Variants in IGFBP2 observed in about 807,000 individuals in gnomAD.
IGFBP2 encodes insulin-like growth factor-binding protein 2.
A neutral mutation model predicts 26.2 loss-of-function variants in IGFBP2; 12 were observed. The observed-to-expected ratio is 0.46, with a 90% CI of 0.29 to 0.74. IGFBP2 has a LOEUF of 0.74. Ranked by LOEUF, IGFBP2 falls within the 30% of genes least tolerant of loss-of-function variation. IGFBP2 has a pLI of 0.09. For missense variants in IGFBP2, 328 were observed against 441.2 expected (o/e 0.74, Z 2.30); for synonymous variants, 189 against 200.6 (o/e 0.94, Z 0.49).
intron 1 of IGFBP2, among the ~76,000 whole-genome samples, chr2:216,645,232 G>A (rs1697688009): frequency 6.6e-6 from 1 of 152,198 alleles, no homozygotes; most frequent in Non-Finnish European, 1.5e-5. Context: ...GCAGGATAAA[G>A]GGGGTGGGGG....
chr2:216,637,590 G>A (rs1333516934), intron 1 of IGFBP2, among the ~76,000 whole-genome samples: 1 of 152,216 alleles, frequency 6.6e-6, no homozygotes, highest in African/African-American at 2.4e-5. Flanking sequence ...CAAGATATTT[G>A]AGGAAGGTTC....
At chr2:216,645,539 C>A (rs1378532430) in intron 1 of IGFBP2, among the ~76,000 whole-genome samples, 3 of 152,190 alleles carry the variant, frequency 2.0e-5, no homozygotes, top group African/African-American at 7.2e-5. Context: ...TAAGAAATTA[C>A]CAACCTCATG....
chr2:216,650,306 C>G (rs1177025834), intron 1 of IGFBP2, among the ~76,000 whole-genome samples: 2 of 152,210 alleles, frequency 1.3e-5, no homozygotes, highest in African/African-American at 4.8e-5. Flanking sequence ...TACACTGACA[C>G]CTGCGCAAGT....
intron 1 of IGFBP2, among the ~76,000 whole-genome samples, chr2:216,656,432 G>C (rs983298455): frequency 3.9e-5 from 6 of 152,196 alleles, no homozygotes; most frequent in Non-Finnish European, 8.8e-5. Flanking sequence ...AGCCATTTCA[G>C]CAATGGGCTA....
chr2:216,657,108 T>C (rs562533661), intron 1 of IGFBP2, among the ~76,000 whole-genome samples: 1 of 152,094 alleles, frequency 6.6e-6, no homozygotes, highest in Non-Finnish European at 1.5e-5. Flanking sequence ...AAAGGGCTCT[T>C]CTCTATGTTC....
chr2:216,661,119 C>G (rs1688637575), intron 2 of IGFBP2: 1 of 341,892 alleles, frequency 2.9e-6, no homozygotes, highest in African/African-American at 2.1e-5. Flanking sequence ...TTTCCTCCCC[C>G]TGAGATGGGG....
At position 216,633,532 on chromosome 2, in the gene IGFBP2, G is replaced by T. The variant is rs1197480339; in HGVS notation, c.9G>T (p.Pro3=). 22 of 871,632 alleles carry T rather than the reference G, an allele frequency of 2.5e-5. No individual in the cohort carries two copies. The highest frequency in any genetic ancestry group is 3.0e-5 in the Non-Finnish European group (22 of 722,436). The allele number at this position is 871,632 out of a possible 1,614,324, so 54.0% of individuals were successfully genotyped here. A position where few individuals can be genotyped will look rare whatever the true frequency, so the allele number is the denominator to read the frequency against. The change falls in exon 1 of 4, where the codon CCG becomes CCT. Residue 3 remains proline, a synonymous_variant. Transcript: ENST00000233809. ...CGCTGCCGACCGCCAGCATGCTGCC[G>T]AGAGTGGGCTGCCCCGCGCTGCCGC... The part of the protein sequence containing the change: ML[P]RVGCPALPLP...
chr2:216,650,315 G>A (rs1162725173), intron 1 of IGFBP2, among the ~76,000 whole-genome samples: 1 of 152,234 alleles, frequency 6.6e-6, no homozygotes, highest in Admixed American at 6.5e-5. Flanking sequence ...ACCTGCGCAA[G>A]TTGAACACCC....
intron 1 of IGFBP2, among the ~76,000 whole-genome samples, chr2:216,637,131 C>T (rs1275627853): frequency 6.6e-6 from 1 of 152,148 alleles, no homozygotes; most frequent in Non-Finnish European, 1.5e-5. Flanking sequence ...AGTTCAAAGT[C>T]GTAAAATAGA....
intron 1 of IGFBP2, among the ~76,000 whole-genome samples, chr2:216,652,244 G>A (rs370480172): frequency 2.2e-4 from 33 of 150,912 alleles, no homozygotes; most frequent in African/African-American, 6.6e-4. Flanking sequence ...CGCGATCTTG[G>A]CTCACTGCAA....
At chr2:216,637,006 C>T (rs1697512182) in intron 1 of IGFBP2, among the ~76,000 whole-genome samples, 1 of 151,922 alleles carries the variant, frequency 6.6e-6, no homozygotes, top group Admixed American at 6.6e-5. Context: ...GGGGAAGAGG[C>T]AAGCACTGAT....
At chr2:216,636,027 T>G (rs1697487626) in intron 1 of IGFBP2, among the ~76,000 whole-genome samples, 1 of 149,990 alleles carries the variant, frequency 6.7e-6, no homozygotes. Context: ...TGAGAAAGAG[T>G]CGGGCTGGGG....
At chr2:216,660,873 C>A in intron 2 of IGFBP2, 87 bp downstream of exon 2, 2 of 1,025,638 alleles carry the variant, frequency 2.0e-6, no homozygotes, top group South Asian at 1.4e-5. Context: ...ATAAGACCCT[C>A]ATCTGGTGTG....
chr2:216,633,767 C>A lies in IGFBP2; in HGVS notation c.244C>A (p.Pro82Thr). The change falls in exon 1 of 4, where the codon CCG (proline) becomes ACG (threonine). Residue 82 changes from proline (P) to threonine (T), a missense_variant. Pro to Thr is a conservative substitution (Grantham distance 38). Coordinates refer to ENST00000233809, the MANE Select transcript of IGFBP2 (RefSeq NM_000597.3). ...GCCATGCGCGGAGCTCGTCCGGGAGCCGGGCTGCGGCTGCTGCTCGGTGTG... is the reference window on the plus strand; with the variant it reads ...GCCATGCGCGGAGCTCGTCCGGGAGACGGGCTGCGGCTGCTGCTCGGTGTG... Reference protein sequence around the residue: ...RMPCAELVREPGCGCCSVCAR... With the variant: ...RMPCAELVRETGCGCCSVCAR... 7.4e-7 allele frequency: 1 copy of A among 1,357,706 alleles called. No homozygotes were observed. The highest frequency in any genetic ancestry group is 9.4e-7 in the Non-Finnish European group (1 of 1,058,886). The allele number at this position is 1,357,706 out of a possible 1,614,324, so 84.1% of individuals were successfully genotyped here. A position where few individuals can be genotyped will look rare whatever the true frequency, so the allele number is the denominator to read the frequency against.
chr2:216,634,955 T>A (rs1401078075), intron 1 of IGFBP2, among the ~76,000 whole-genome samples: 1 of 148,010 alleles, frequency 6.8e-6, no homozygotes, highest in Non-Finnish European at 1.5e-5. Flanking sequence ...CTGTAATTAT[T>A]TTCTTTCCTC....
rs1315597924 is a variant in IGFBP2, at chr2:216,633,478, G to T, written c.-46G>T. Reference sequence around the variant, plus strand: ...GCAGGGCCGTGCCACCTGCCCGCCCGCCCGCTCGCTCGCTCGCCCGCCGCG... The same window carrying T: ...GCAGGGCCGTGCCACCTGCCCGCCCTCCCGCTCGCTCGCTCGCCCGCCGCG... On this transcript the variant is annotated 5_prime_UTR_variant, in exon 1 of 4. Transcript: ENST00000233809. 2 of 480,452 alleles carry T rather than the reference G, an allele frequency of 4.2e-6. No individual in the cohort carries two copies. The highest frequency in any genetic ancestry group is 5.5e-6 in the Non-Finnish European group (2 of 365,922). 29.8% of individuals were successfully genotyped at this position (480,452 alleles called of 1,614,324 possible). A position where few individuals can be genotyped will look rare whatever the true frequency, so the allele number is the denominator to read the frequency against.
chr2:216,652,097 CAGTG>C (rs1358087265), intron 1 of IGFBP2, among the ~76,000 whole-genome samples: 1 of 151,564 alleles, frequency 6.6e-6, no homozygotes, highest in Non-Finnish European at 1.5e-5. Flanking sequence ...GTTTTGGCCA[CAGTG>C]AGAGTTTCTT....
intron 1 of IGFBP2, among the ~76,000 whole-genome samples, chr2:216,639,188 A>G (rs1697564572): frequency 6.6e-6 from 1 of 151,788 alleles, no homozygotes; most frequent in Non-Finnish European, 1.5e-5. Context: ...ATGCACCACC[A>G]TACACGGTTA....
chr2:216,659,219 C>G (rs184171362), intron 1 of IGFBP2, among the ~76,000 whole-genome samples: 145 of 152,314 alleles, frequency 9.5e-4, no homozygotes, highest in African/African-American at 3.4e-3. Context: ...GCTGGAGTGC[C>G]AGCACCCGGT....
Sources: allele counts gnomAD v4.1 joint callset (sites outside exome capture counted in the v4.1 genomes callset), GRCh38; gene constraint gnomAD v4.1.1; transcripts MANE v1.5; gene names NCBI Gene and HGNC (gene_info 2026-07-23, HGNC 2026-07-21).